The following PIK3CD variants were observed in gnomAD, a reference collection of about 807,000 sequenced individuals.
PIK3CD encodes phosphatidylinositol-4,5-bisphosphate 3-kinase catalytic subunit delta, also known as phosphatidylinositol 4,5-bisphosphate 3-kinase catalytic subunit delta isoform.
A neutral mutation model predicts 122.9 loss-of-function variants in PIK3CD; 20 were observed. The ratio of observed to expected loss-of-function variants is 0.16; its 90% CI spans 0.11 to 0.24. The LOEUF (loss-of-function observed/expected upper bound fraction) is 0.24. PIK3CD is among the 10% of genes least tolerant of loss of function. The pLI is 1.00. For synonymous variants in PIK3CD, 596 were observed against 593.4 expected (o/e 1.00, Z -0.06); for missense variants, 787 against 1,406.3 (o/e 0.56, Z 7.04).
intron 2 of PIK3CD, among the ~76,000 whole-genome samples, chr1:9,696,324 G>A (rs925700219): frequency 6.6e-5 from 10 of 152,010 alleles, no homozygotes; most frequent in South Asian, 4.1e-4. Context: ...GGGGTGGCTC[G>A]TGCCTGTAAT....
intron 23 of PIK3CD, among the ~76,000 whole-genome samples, chr1:9,725,907 T>TA (rs1373294659): frequency 6.6e-6 from 1 of 151,466 alleles, no homozygotes; most frequent in Non-Finnish European, 1.5e-5. Context: ...AAAATAAACA[T>TA]AAATAAAAGA....
Position 9,710,093 on chromosome 1 carries a change from C to G in PIK3CD, c.-32-331C>G, listed in dbSNP as rs1557652802. On this transcript the variant is annotated intron_variant, in intron 2 of 23. Coordinates refer to ENST00000377346, the MANE Select transcript of PIK3CD (RefSeq NM_005026.5). The surrounding 1 kb of genome is among the most constrained non-coding windows in gnomAD (Gnocchi z 4.7). ...CCTGACCAGCTGTCCTGCCATCTCC[C>G]TTCTGTGCCAGCTGGTGGCCATGAC... 2.8e-6 allele frequency: 1 copy of G among 358,692 alleles called. No individual in the cohort carries two copies. The highest frequency in any genetic ancestry group is 5.4e-6 in the Non-Finnish European group (1 of 183,978). The allele number at this position is 358,692 out of a possible 1,614,324, so 22.2% of individuals were successfully genotyped here.
intron 2 of PIK3CD, among the ~76,000 whole-genome samples, chr1:9,709,060 G>A (rs1045899796): frequency 6.6e-6 from 1 of 151,478 alleles, no homozygotes; most frequent in Admixed American, 6.6e-5. Context: ...ACGGAGTTTC[G>A]CTCTTGTTAC....
intron 2 of PIK3CD, among the ~76,000 whole-genome samples, chr1:9,706,247 TAGAG>T (rs1158579152): frequency 6.6e-6 from 1 of 150,646 alleles, no homozygotes; most frequent in Non-Finnish European, 1.5e-5. Context: ...TGCCAGCACT[TAGAG>T]AGGCCGAGGT....
chr1:9,678,794 C>A (rs1382100823), intron 1 of PIK3CD, among the ~76,000 whole-genome samples: 1 of 152,238 alleles, frequency 6.6e-6, no homozygotes, highest in African/African-American at 2.4e-5. Context: ...TTGACCACCT[C>A]TTAAAGAAGA....
intron 1 of PIK3CD, among the ~76,000 whole-genome samples, chr1:9,683,410 C>A (rs1237559024): frequency 6.6e-6 from 1 of 151,190 alleles, no homozygotes; most frequent in African/African-American, 2.4e-5. Flanking sequence ...TGCACTCCAG[C>A]CTGGGCGACA....
chr1:9,687,758 A>G (rs1363146832), intron 1 of PIK3CD, among the ~76,000 whole-genome samples: 3 of 152,146 alleles, frequency 2.0e-5, no homozygotes, highest in African/African-American at 7.2e-5. Context: ...GTCCGTTTAC[A>G]TGATTGCGCC....
chr1:9,685,525 ATTC>A (rs889432300), intron 1 of PIK3CD, among the ~76,000 whole-genome samples: 1 of 151,740 alleles, frequency 6.6e-6, no homozygotes, highest in African/African-American at 2.4e-5. Flanking sequence ...CACCTGGCTA[ATTC>A]TTGTATTTTT....
Position 9,700,824 on chromosome 1 carries a change from C to T in PIK3CD, c.-33+9253C>T, listed in dbSNP as rs2100622911. ...TTCCTTTCCTGTCTCAGTAAATTCC[C>T]ACCACCACTCCCATCTCCCAAGCCC... On this transcript the variant is annotated intron_variant, in intron 2 of 23. Coordinates refer to ENST00000377346, the MANE Select transcript of PIK3CD (RefSeq NM_005026.5). The surrounding 1 kb of genome is among the most constrained non-coding windows in gnomAD (Gnocchi z 5.1). 6.6e-6 allele frequency among the ~76,000 whole-genome samples: 1 copy of T among 152,218 alleles called. No individual in the cohort carries two copies. Among genetic ancestry groups the T allele is most frequent in the Middle Eastern group, 3.4e-3 (1 of 294 alleles).
In PIK3CD at chr1:9,722,321, G is replaced by A. The variant is rs749787380; in HGVS notation, c.2312G>A (p.Gly771Asp). 1.2e-6 allele frequency: 2 copies of A among 1,613,370 alleles called. No homozygotes were observed. Among genetic ancestry groups the A allele is most frequent in the South Asian group, 2.2e-5 (2 of 91,032 alleles). ...TACAGCAACGAGGAGGCAGGCAGCGGCGGCAGCGTGGGCATCATCTTTAAG... is the reference window on the plus strand; with the variant it reads ...TACAGCAACGAGGAGGCAGGCAGCGACGGCAGCGTGGGCATCATCTTTAAG... ...IMYSNEEAGSGGSVGIIFKNG... is the reference protein window; with the variant it reads ...IMYSNEEAGSDGSVGIIFKNG... The change falls in exon 18 of 24, where the codon GGC becomes GAC. Residue 771 changes from glycine to aspartate, a missense_variant. Physicochemically the swap from Gly to Asp is moderately conservative, Grantham distance 94. Around this residue, in one of 6 missense-constraint regions of PIK3CD, gnomAD observed 69 missense variants for 166.8 expected, o/e 0.41. Coordinates refer to ENST00000377346, the MANE Select transcript of PIK3CD (RefSeq NM_005026.5). This position sits in a 1 kb window ranked among gnomAD's most constrained non-coding sequence, Gnocchi z 7.6.
chr1:9,700,065 C>G lies in PIK3CD; in HGVS notation c.-33+8494C>G, dbSNP rs1445766230. On this transcript the variant is annotated intron_variant, in intron 2 of 23. Coordinates refer to ENST00000377346, the MANE Select transcript of PIK3CD (RefSeq NM_005026.5). This position sits in a 1 kb window ranked among gnomAD's most constrained non-coding sequence, Gnocchi z 5.1. ...AGCCCCTTTTTATTATATTCCAGTG[C>G]TTTTACTACCTGAAGCATCTTGTTT... 6.6e-6 allele frequency among the ~76,000 whole-genome samples: 1 copy of G among 152,180 alleles called. No homozygotes were observed. Among genetic ancestry groups the G allele is most frequent in the African/African-American group, 2.4e-5 (1 of 41,444 alleles).
chr1:9,665,115 GATT>G (rs1418146011), intron 1 of PIK3CD, among the ~76,000 whole-genome samples: 1 of 148,840 alleles, frequency 6.7e-6, no homozygotes, highest in East Asian at 2.0e-4. Context: ...GAGGCAGGAG[GATT>G]GCCTGAGCCC....
In PIK3CD at chr1:9,704,194, C is replaced by T. The variant is rs1457211603; in HGVS notation, c.-32-6230C>T. 6.6e-6 allele frequency among the ~76,000 whole-genome samples: 1 copy of T among 152,182 alleles called. No individual in the cohort carries two copies. The highest frequency in any genetic ancestry group is 1.5e-5 in the Non-Finnish European group (1 of 68,034). On this transcript the variant is annotated intron_variant, in intron 2 of 23. Coordinates refer to ENST00000377346, the MANE Select transcript of PIK3CD (RefSeq NM_005026.5). The surrounding 1 kb of genome is among the most constrained non-coding windows in gnomAD (Gnocchi z 5.0). The stretch of plus-strand genomic sequence containing the variant: ...CATTTGATGTCCTGTGCAGACCAGT[C>T]TGATACTTTCTGTATTAGGAATGAG...
chr1:9,653,461 G>A, intron 1 of PIK3CD: 1 of 246,096 alleles, frequency 4.1e-6, no homozygotes, highest in Admixed American at 5.2e-5. Flanking sequence ...TCTTTCCGAC[G>A]CCAGCGCGTT....
rs1400157480 is a variant in PIK3CD, at chr1:9,689,721, G to A, written c.-137-1746G>A. Among the ~76,000 whole-genome samples, 2 of 151,496 alleles carry A rather than the reference G, an allele frequency of 1.3e-5. No homozygotes were observed. Among genetic ancestry groups the A allele is most frequent in the African/African-American group, 2.4e-5 (1 of 41,272 alleles). Reference sequence around the variant, plus strand: ...GGCCCCGCCCCCGGCAGCGACACCCGGTACGGAGCCCACCTGTGCGGGCGT... The same window carrying A: ...GGCCCCGCCCCCGGCAGCGACACCCAGTACGGAGCCCACCTGTGCGGGCGT... On this transcript the variant is annotated intron_variant, in intron 1 of 23. Transcript: ENST00000377346. This position sits in a 1 kb window ranked among gnomAD's most constrained non-coding sequence, Gnocchi z 6.1.
intron 1 of PIK3CD, among the ~76,000 whole-genome samples, chr1:9,664,175 A>G (rs2100875446): frequency 6.6e-6 from 1 of 151,250 alleles, no homozygotes; most frequent in South Asian, 2.1e-4. Flanking sequence ...CAGCCTCCCA[A>G]GTAGCTGGGA....
upstream of PIK3CD, among the ~76,000 whole-genome samples, chr1:9,647,936 C>T (rs1349236033): frequency 3.3e-5 from 5 of 152,140 alleles, no homozygotes; most frequent in African/African-American, 1.2e-4. Flanking sequence ...AATCAGTTGG[C>T]CACCTAAGAT....
chr1:9,708,881 G>A lies in PIK3CD; in HGVS notation c.-32-1543G>A, dbSNP rs1017288230. On this transcript the variant is annotated intron_variant, in intron 2 of 23. Coordinates refer to ENST00000377346, the MANE Select transcript of PIK3CD (RefSeq NM_005026.5). ...CATGTATGGAAATGATAAACAACCA[G>A]ACTCCAGGTACTGCTAACCTGTAGT... 7.2e-5 allele frequency among the ~76,000 whole-genome samples: 11 copies of A among 152,050 alleles called. 1 individual carries two copies. The highest frequency in any genetic ancestry group is 6.6e-4 in the Admixed American group (10 of 15,244).
At position 9,689,392 on chromosome 1, in the gene PIK3CD, T is replaced by G. The variant is rs1380494153; in HGVS notation, c.-137-2075T>G. On this transcript the variant is annotated intron_variant, in intron 1 of 23. Coordinates refer to ENST00000377346, the MANE Select transcript of PIK3CD (RefSeq NM_005026.5). This position sits in a 1 kb window ranked among gnomAD's most constrained non-coding sequence, Gnocchi z 6.1. Reference sequence around the variant, plus strand: ...TCCTCTCTCCGCCGCCCGTGTGAGCTCGGGCGCTTCTCCCGGCTGGGGGTG... The same window carrying G: ...TCCTCTCTCCGCCGCCCGTGTGAGCGCGGGCGCTTCTCCCGGCTGGGGGTG... 6.6e-6 allele frequency among the ~76,000 whole-genome samples: 1 copy of G among 151,650 alleles called. No individual in the cohort carries two copies. The highest frequency in any genetic ancestry group is 2.4e-5 in the African/African-American group (1 of 41,306).
Sources: gnomAD v4.1 joint callset for allele counts (sites outside exome capture counted in the v4.1 genomes callset) on GRCh38, gnomAD v4.1.1 for gene constraint, gnomAD v4.1.1 regional missense constraint, Gnocchi (gnomAD v3.1) non-coding constraint, MANE v1.5 for transcripts, NCBI Gene and HGNC (gene_info 2026-07-23, HGNC 2026-07-21) for gene names.